The following ATP2A1 variants were observed in gnomAD, a reference collection of about 807,000 sequenced individuals.
The protein encoded by ATP2A1 is sarcoplasmic/endoplasmic reticulum calcium ATPase 1.
Under a neutral mutation model 109.5 loss-of-function variants are expected in ATP2A1, and 83 were observed. The observed-to-expected ratio is 0.76, with a 90% confidence interval of 0.63 to 0.91. The LOEUF is 0.91. ATP2A1 is among the 40% of genes least tolerant of loss of function. The probability of loss-of-function intolerance (pLI) is 0.00; values close to 1 mark genes in which losing one functional copy is unlikely to be tolerated. For missense variants in ATP2A1, 1,101 were observed against 1,341.0 expected (o/e 0.82, Z 2.80); for synonymous variants, 505 against 537.6 (o/e 0.94, Z 0.84).
chr16:28,887,595 C>T lies in ATP2A1; in HGVS notation c.801C>T (p.Ile267=), dbSNP rs764464132. 2.5e-6 allele frequency: 4 copies of T among 1,614,140 alleles called. No homozygotes were observed. Among genetic ancestry groups the T allele is most frequent in the East Asian group, 2.2e-5 (1 of 44,868 alleles). Residue 267 remains isoleucine, a synonymous_variant, in exon 8 of 23, where the codon ATC becomes ATT. Transcript: ENST00000395503. ...AGCTCTCCAAGGTCATCTCCCTCAT[C>T]TGTGTGGCTGTCTGGCTTATCAACA... ...GEQLSKVISL[I]CVAVWLINIG...
chr16:28,881,875 C>T (rs992064798), intron 4 of ATP2A1, among the ~76,000 whole-genome samples: 5 of 151,356 alleles, frequency 3.3e-5, no homozygotes, highest in Non-Finnish European at 4.4e-5. Context: ...CCACCTGTGT[C>T]TGTGGTGCTG....
chr16:28,887,180 T>C lies in ATP2A1; in HGVS notation c.545-9T>C, dbSNP rs1418219113. On this transcript the variant is annotated splice_polypyrimidine_tract_variant and intron_variant, in intron 6 of 22. Transcript: ENST00000395503. Reference sequence around the variant, plus strand: ...GTCATCCGAAAACCCCTTGGCCCCTTCTCCACAGGCGAGTCTGTATCTGTC... The same window carrying C: ...GTCATCCGAAAACCCCTTGGCCCCTCCTCCACAGGCGAGTCTGTATCTGTC... 2 of 1,613,044 alleles carry C rather than the reference T, an allele frequency of 1.2e-6. No homozygotes were observed. Among genetic ancestry groups the C allele is most frequent in the South Asian group, 1.1e-5 (1 of 91,030 alleles).
intron 5 of ATP2A1, 125 bp downstream of exon 5, chr16:28,882,714 A>G (rs1596664759): frequency 2.1e-6 from 3 of 1,441,964 alleles, no homozygotes; most frequent in East Asian, 2.5e-5. Flanking sequence ...TCTCTTTCCG[A>G]CTCCTCAGAA....
Position 28,900,616 on chromosome 16 carries a change from G to T in ATP2A1, c.1800G>T (p.Leu600=), listed in dbSNP as rs201713188. ...CATTCGTGGGTGTAGTGGGCATGCTGGACCCTCCGCGCAAGGAGGTCACGG... is the reference window on the plus strand; with the variant it reads ...CATTCGTGGGTGTAGTGGGCATGCTTGACCCTCCGCGCAAGGAGGTCACGG... ...DLTFVGVVGM[L]DPPRKEVTGS... Residue 600 remains leucine (L), a synonymous_variant, in exon 15 of 23, where the codon CTG becomes CTT. Coordinates refer to ENST00000395503, the MANE Select transcript of ATP2A1 (RefSeq NM_004320.6). 6.3e-7 allele frequency: 1 copy of T among 1,587,224 alleles called. No homozygotes were observed. The highest frequency in any genetic ancestry group is 1.7e-5 in the Admixed American group (1 of 59,040).
chr16:28,892,100 A>G (rs1963788267), intron 9 of ATP2A1, among the ~76,000 whole-genome samples: 1 of 152,168 alleles, frequency 6.6e-6, no homozygotes, highest in Non-Finnish European at 1.5e-5. Context: ...AGCAGTGGTG[A>G]GCATAAATTA....
chr16:28,897,608 T>C (rs1963953703), intron 12 of ATP2A1, among the ~76,000 whole-genome samples: 2 of 152,226 alleles, frequency 1.3e-5, no homozygotes, highest in African/African-American at 4.8e-5. Context: ...TGGTGCGATC[T>C]TGGCTCACTG....
chr16:28,880,496 A>G lies in ATP2A1; in HGVS notation c.220-419A>G, dbSNP rs1280945343. On this transcript the variant is annotated intron_variant, in intron 3 of 22. Coordinates refer to ENST00000395503, the MANE Select transcript of ATP2A1 (RefSeq NM_004320.6). The surrounding 1 kb of genome is among the most constrained non-coding windows in gnomAD (Gnocchi z 4.2). ...CGCTCCGGCTCCCTCGTGAAACCGG[A>G]GCTTCCCTGCCTTGGCCGAGGGGGA... Among the ~76,000 whole-genome samples the G allele has an allele frequency of 6.6e-6, 1 of 152,146 alleles. No homozygotes were observed. Among genetic ancestry groups the G allele is most frequent in the Non-Finnish European group, 1.5e-5 (1 of 68,012 alleles).
chr16:28,894,717 G>T, intron 11 of ATP2A1, 105 bp from the exon 12 acceptor site: 2 of 1,596,150 alleles, frequency 1.3e-6, no homozygotes. Context: ...CTGCCAGGGT[G>T]CAAGGGAGGC....
Position 28,880,234 on chromosome 16 carries a change from C to A in ATP2A1, c.219+651C>A. 1.5e-6 allele frequency: 1 copy of A among 685,776 alleles called. No homozygotes were observed. The highest frequency in any genetic ancestry group is 1.8e-6 in the Non-Finnish European group (1 of 552,294). 42.5% of individuals were successfully genotyped at this position (685,776 alleles called of 1,614,324 possible). ...CCGCCCTGGGGGCTACTCCCCATCC[C>A]GCGGTCCATCTGCATGTCGCGGGTT... is the stretch of plus-strand genomic sequence containing the variant. On this transcript the variant is annotated intron_variant, in intron 3 of 22. Transcript: ENST00000395503. The surrounding 1 kb of genome is among the most constrained non-coding windows in gnomAD (Gnocchi z 4.2).
rs753539984 is a variant in ATP2A1 at position 28,903,441 on chromosome 16, G to C, written c.2980+1G>C. On this transcript the variant is annotated splice_donor_variant, in intron 21 of 22. Transcript: ENST00000395503. LOFTEE classifies it high-confidence loss of function. The surrounding 1 kb of genome is among the most constrained non-coding windows in gnomAD (Gnocchi z 5.6). ...TTCGTTGCTCGGAACTACCTAGAGG[G>C]TAAGGAGTGCCCTCTCTGTCCCAAG... 1.2e-6 allele frequency: 2 copies of C among 1,611,400 alleles called. No homozygotes were observed. Among genetic ancestry groups the C allele is most frequent in the Non-Finnish European group, 1.7e-6 (2 of 1,177,762 alleles).
chr16:28,894,280 G>A (rs75690568), intron 10 of ATP2A1, 37 bp downstream of exon 10: 696 of 1,586,388 alleles, frequency 4.4e-4, no homozygotes, highest in Non-Finnish European at 5.4e-4. Flanking sequence ...AGCTCCTCAC[G>A]CCCCTTCCCA....
intron 9 of ATP2A1, among the ~76,000 whole-genome samples, chr16:28,889,383 A>G (rs189670945): frequency 6.6e-6 from 1 of 152,014 alleles, no homozygotes; most frequent in Non-Finnish European, 1.5e-5. Flanking sequence ...CAGCCTCCCT[A>G]GTAGCTGGGA....
rs1205257684 is a variant in ATP2A1, at chr16:28,880,282, C to G, written c.220-633C>G. Among the ~76,000 whole-genome samples the G allele has an allele frequency of 1.3e-5, 2 of 152,246 alleles. No homozygotes were observed. Among genetic ancestry groups the G allele is most frequent in the Non-Finnish European group, 2.9e-5 (2 of 68,046 alleles). On this transcript the variant is annotated intron_variant, in intron 3 of 22. Coordinates refer to ENST00000395503, the MANE Select transcript of ATP2A1 (RefSeq NM_004320.6). The surrounding 1 kb of genome is among the most constrained non-coding windows in gnomAD (Gnocchi z 4.2). ...GTTCTTCCGCAGCATGTGAGCCTCG[C>G]TGGGGACTCTGGAGGCAACGAAAGC... is the stretch of plus-strand genomic sequence containing the variant.
At chr16:28,896,714 A>ATTTT (rs1165561318) in intron 12 of ATP2A1, among the ~76,000 whole-genome samples, 1 of 107,210 alleles carries the variant, frequency 9.3e-6, no homozygotes, top group African/African-American at 3.6e-5. Flanking sequence ...CCTGGCCTTC[A>ATTTT]TTTTTTTTTT....
chr16:28,880,549 A>G lies in ATP2A1; in HGVS notation c.220-366A>G, dbSNP rs1963439722. 6.6e-6 allele frequency among the ~76,000 whole-genome samples: 1 copy of G among 152,248 alleles called. No homozygotes were observed. Among genetic ancestry groups the G allele is most frequent in the Non-Finnish European group, 1.5e-5 (1 of 68,044 alleles). On this transcript the variant is annotated intron_variant, in intron 3 of 22. Coordinates refer to ENST00000395503, the MANE Select transcript of ATP2A1 (RefSeq NM_004320.6). The surrounding 1 kb of genome is among the most constrained non-coding windows in gnomAD (Gnocchi z 4.2). Reference sequence around the variant, plus strand: ...GCTGCGGGGGCCAGACCGCCTGCGAAGACCACAGGGTTTTTCCTCTCGGGT... The same window carrying G: ...GCTGCGGGGGCCAGACCGCCTGCGAGGACCACAGGGTTTTTCCTCTCGGGT...
At chr16:28,879,330 C>A in intron 2 of ATP2A1, 171 bp from the exon 3 acceptor site, 2 of 845,018 alleles carry the variant, frequency 2.4e-6, no homozygotes, top group Non-Finnish European at 1.9e-6. Context: ...CCCCACTTTG[C>A]CGAGTCTGTT....
chr16:28,883,787 C>T lies in ATP2A1; in HGVS notation c.464-788C>T, dbSNP rs946762824. ...CCACACCTGTTTCCTGCCCAACCCCCGCTTCTCTCCTGTCCCATCCCATCC... is the reference window on the plus strand; with the variant it reads ...CCACACCTGTTTCCTGCCCAACCCCTGCTTCTCTCCTGTCCCATCCCATCC... On this transcript the variant is annotated intron_variant, in intron 5 of 22. Transcript: ENST00000395503. This position sits in a 1 kb window ranked among gnomAD's most constrained non-coding sequence, Gnocchi z 5.2. 5.3e-5 allele frequency among the ~76,000 whole-genome samples: 8 copies of T among 152,142 alleles called. No individual in the cohort carries two copies. The highest frequency in any genetic ancestry group is 2.1e-4 in the South Asian group (1 of 4,828).
rs566812385 is a variant in ATP2A1 at position 28,903,869 on chromosome 16, C to T, written c.*37+128C>T. The T allele has an allele frequency of 3.0e-5, 29 of 955,758 alleles. 1 individual carries two copies. In the South Asian group the frequency reaches 3.6e-4, roughly 12 times the overall value. 59.2% of individuals were successfully genotyped at this position (955,758 alleles called of 1,614,324 possible). A position where few individuals can be genotyped will look rare whatever the true frequency, so the allele number is the denominator to read the frequency against. The stretch of plus-strand genomic sequence containing the variant: ...CCACCTGGAGCCGTTGCCACTGCTG[C>T]TGCTGCGCTTCCAGTCAGGGTGGGC... On this transcript the variant is annotated intron_variant, in intron 22 of 22. Transcript: ENST00000395503. This position sits in a 1 kb window ranked among gnomAD's most constrained non-coding sequence, Gnocchi z 5.6.
chr16:28,894,804 C>T lies in ATP2A1; in HGVS notation c.1288-18C>T. On this transcript the variant is annotated intron_variant, in intron 11 of 22. Transcript: ENST00000395503. ...AGCCTGGGGCACCGACTTCCTCTTC[C>T]TCCTCTGCCCATCTCAGGCCAAAGG... 1.2e-6 allele frequency: 2 copies of T among 1,610,842 alleles called. No individual in the cohort carries two copies. The highest frequency in any genetic ancestry group is 1.1e-5 in the South Asian group (1 of 91,078).
Sources: gnomAD v4.1 joint callset for allele counts (sites outside exome capture counted in the v4.1 genomes callset) on GRCh38, gnomAD v4.1.1 for gene constraint, Gnocchi (gnomAD v3.1) non-coding constraint, MANE v1.5 for transcripts, NCBI Gene and HGNC (gene_info 2026-07-23, HGNC 2026-07-21) for gene names.